Variants in ARSK observed in about 807,000 individuals in gnomAD.
The protein encoded by ARSK is arylsulfatase K.
A neutral mutation model predicts 53.2 loss-of-function variants in ARSK; 37 were observed. The observed-to-expected ratio is 0.70, with a 90% CI of 0.54 to 0.92. The LOEUF is 0.92. Ranked by LOEUF, ARSK falls within the 40% of genes least tolerant of loss-of-function variation. The pLI, the probability that ARSK is intolerant of heterozygous loss-of-function variation, is 0.00. For missense variants in ARSK, 613 were observed against 643.0 expected, an observed-to-expected ratio of 0.95 and a Z score of 0.51; for synonymous variants, 208 against 223.2, an observed-to-expected ratio of 0.93 and a Z score of 0.61.
intron 3 of ARSK, among the ~76,000 whole-genome samples, chr5:95,574,038 CCAT>C (rs1482174198): frequency 2.6e-5 from 4 of 152,030 alleles, no homozygotes; most frequent in Non-Finnish European, 5.9e-5. Context: ...TTTTGGTAAA[CCAT>C]CATTCTGCTT....
At chr5:95,592,783 G>T (rs1334633342) in intron 6 of ARSK, among the ~76,000 whole-genome samples, 1 of 152,184 alleles carries the variant, frequency 6.6e-6, no homozygotes, top group East Asian at 1.9e-4. Flanking sequence ...CCTTGACCTT[G>T]TGATCCGCTT....
At chr5:95,601,103 A>G (rs1749395926) in intron 7 of ARSK, 32 bp downstream of exon 7, 1 of 1,556,176 alleles carries the variant, frequency 6.4e-7, no homozygotes, top group Middle Eastern at 1.7e-4. Context: ...TAAGTGTAAT[A>G]TTATGTGTAA....
intron 3 of ARSK, among the ~76,000 whole-genome samples, chr5:95,579,604 G>C (rs1748989218): frequency 1.3e-5 from 2 of 152,214 alleles, no homozygotes; most frequent in Non-Finnish European, 2.9e-5. Flanking sequence ...CTGGTCCATG[G>C]ACCACACTTG....
chr5:95,583,117 A>G lies in ARSK; in HGVS notation c.618A>G (p.Leu206=), dbSNP rs1392060729. 9 of 1,613,354 alleles carry G rather than the reference A, an allele frequency of 5.6e-6. No homozygotes were observed. Among genetic ancestry groups the G allele is most frequent in the African/African-American group, 1.3e-5 (1 of 74,924 alleles). The stretch of plus-strand genomic sequence containing the variant: ...TTGTTATTTACTTGGGATTAAATTT[A>G]CCACACCCTTACCCTTCACCATCTT... The part of the protein sequence containing the change: ...EPFVIYLGLN[L]PHPYPSPSSG... Residue 206 remains leucine, a synonymous_variant, in exon 4 of 8, where the codon TTA becomes TTG. Coordinates refer to ENST00000380009, the MANE Select transcript of ARSK (RefSeq NM_198150.3).
intron 2 of ARSK, among the ~76,000 whole-genome samples, chr5:95,567,360 C>G (rs1748741443): frequency 6.6e-6 from 1 of 152,106 alleles, no homozygotes; most frequent in Non-Finnish European, 1.5e-5. Context: ...TTCTAACTTT[C>G]TATTTATGTA....
Position 95,601,039 on chromosome 5 carries a change from C to A in ARSK, c.1289C>A (p.Ser430Ter). 6.2e-7 allele frequency: 1 copy of A among 1,613,834 alleles called. No individual in the cohort carries two copies. The highest frequency in any genetic ancestry group is 8.5e-7 in the Non-Finnish European group (1 of 1,179,800). ...AACCACTGGAAATATATAGCCTATTCGGATGGTGCATCAATATTGCCTCAA... is the reference window on the plus strand; with the variant it reads ...AACCACTGGAAATATATAGCCTATTAGGATGGTGCATCAATATTGCCTCAA... ...RTNHWKYIAY[S>*]DGASILPQLF... The change falls in exon 7 of 8, where the codon TCG becomes TAG. Residue 430 changes from serine to a stop codon, truncating the protein, a stop_gained. Coordinates refer to ENST00000380009, the MANE Select transcript of ARSK (RefSeq NM_198150.3). LOFTEE classifies it high-confidence loss of function.
At chr5:95,561,774 CTT>C (rs1748639083) in intron 1 of ARSK, among the ~76,000 whole-genome samples, 2 of 152,116 alleles carry the variant, frequency 1.3e-5, no homozygotes, top group Admixed American at 1.3e-4. Context: ...TGCAGAATGT[CTT>C]TTGGGGATGA....
At chr5:95,582,204 A>G (rs6895068) in intron 3 of ARSK, among the ~76,000 whole-genome samples, 3,507 of 152,246 alleles carry the variant, frequency 0.023, 100 homozygotes, top group African/African-American at 0.065. Context: ...TTTCTCACCA[A>G]TTATGTCAGC....
intron 6 of ARSK, among the ~76,000 whole-genome samples, chr5:95,593,621 G>T (rs1749253187): frequency 6.6e-6 from 1 of 152,090 alleles, no homozygotes; most frequent in African/African-American, 2.4e-5. Context: ...TATTTAACAG[G>T]TCATATAAGA....
chr5:95,586,209 T>C (rs1042833983), intron 4 of ARSK, among the ~76,000 whole-genome samples: 3 of 152,168 alleles, frequency 2.0e-5, no homozygotes, highest in African/African-American at 7.2e-5. Flanking sequence ...TCTGAGGTTG[T>C]TGATTCTGAA....
At chr5:95,556,268 C>G in intron 1 of ARSK, 1 of 701,206 alleles carries the variant, frequency 1.4e-6, no homozygotes, top group South Asian at 1.5e-5. Context: ...GAAAATATTA[C>G]TTAAAGTTAT....
rs145666695 is a variant in ARSK at position 95,567,923 on chromosome 5, A to G, written c.290A>G (p.Glu97Gly). Residue 97 changes from glutamate (E) to glycine (G), a missense_variant, in exon 3 of 8, where the codon GAA becomes GGA. Physicochemically the swap from Glu to Gly is moderately conservative, Grantham distance 98 (BLOSUM62 -2). Coordinates refer to ENST00000380009, the MANE Select transcript of ARSK (RefSeq NM_198150.3). ...MWSGLFTHLTESWNNFKGLDP... is the reference protein window; with the variant it reads ...MWSGLFTHLTGSWNNFKGLDP... Reference sequence around the variant, plus strand: ...AGTGGCCTCTTCACTCACTTAACAGAATCTTGGAATAATTTTAAGGGTCTA... The same window carrying G: ...AGTGGCCTCTTCACTCACTTAACAGGATCTTGGAATAATTTTAAGGGTCTA... 106 of 1,612,488 alleles carry G rather than the reference A, an allele frequency of 6.6e-5. 1 individual carries two copies. In the East Asian group the frequency reaches 1.1e-3, roughly 17 times the overall value.
intron 6 of ARSK, among the ~76,000 whole-genome samples, chr5:95,597,910 GGGC>G (rs1561370083): frequency 1.3e-5 from 2 of 149,866 alleles, no homozygotes; most frequent in African/African-American, 2.5e-5. Flanking sequence ...AAAAAGTGGG[GGGC>G]GGGTAATAGT....
At chr5:95,572,991 A>G (rs1226107419) in intron 3 of ARSK, among the ~76,000 whole-genome samples, 1 of 152,156 alleles carries the variant, frequency 6.6e-6, no homozygotes, top group Non-Finnish European at 1.5e-5. Context: ...TGGTGGGTAG[A>G]GGCCAAGGTT....
rs141981367 is a variant in ARSK at position 95,604,220 on chromosome 5, T to G, written c.*694T>G. On this transcript the variant is annotated 3_prime_UTR_variant, in exon 8 of 8. Coordinates refer to ENST00000380009, the MANE Select transcript of ARSK (RefSeq NM_198150.3). ...TATTTGATGGGATTGTTTGGATGTA[T>G]TTAATGGGAGTATTTGGAGTATTTA... 2.0e-4 allele frequency: 31 copies of G among 152,352 alleles called. No homozygotes were observed. Among genetic ancestry groups the G allele is most frequent in the African/African-American group, 7.0e-4 (29 of 41,590 alleles). The allele number at this position is 152,352 out of a possible 1,614,324, so 9.4% of individuals were successfully genotyped here.
At chr5:95,579,076 A>G (rs1748976727) in intron 3 of ARSK, among the ~76,000 whole-genome samples, 1 of 152,204 alleles carries the variant, frequency 6.6e-6, no homozygotes, top group African/African-American at 2.4e-5. Context: ...TCTCCTATTT[A>G]TAGGCTACTG....
intron 3 of ARSK, among the ~76,000 whole-genome samples, chr5:95,569,786 C>CT (rs1489638540): frequency 1.3e-5 from 2 of 152,118 alleles, no homozygotes; most frequent in Admixed American, 6.5e-5. Flanking sequence ...TAAACAGATA[C>CT]TAAAATAATC....
At chr5:95,600,697 T>C (rs1397434191) in intron 6 of ARSK, 150 bp from the exon 7 acceptor site, 8 of 811,486 alleles carry the variant, frequency 9.9e-6, no homozygotes, top group Middle Eastern at 4.4e-4. Flanking sequence ...AGCATGTGAA[T>C]TTTGGCAGCC....
In ARSK at chr5:95,603,243, C is replaced by T. The variant is rs748634242; in HGVS notation, c.1328C>T (p.Ser443Phe). ...CTTATTTTTTTTCTTTCAGATCTTTCCTCGGATCCAGATGAATTAACAAAT... is the reference window on the plus strand; with the variant it reads ...CTTATTTTTTTTCTTTCAGATCTTTTCTCGGATCCAGATGAATTAACAAAT... ...ASILPQLFDL[S>F]SDPDELTNVA... The change falls in exon 8 of 8, where the codon TCC becomes TTC. Residue 443 changes from serine (S) to phenylalanine (F), a missense_variant. Transcript: ENST00000380009. The T allele has an allele frequency of 2.5e-5, 39 of 1,551,156 alleles. 1 individual carries two copies. The Middle Eastern group carries it at 1.1e-3, about 43-fold the overall frequency.
Sources: gnomAD v4.1 joint callset for allele counts (sites outside exome capture counted in the v4.1 genomes callset) on GRCh38, gnomAD v4.1.1 for gene constraint, MANE v1.5 for transcripts, NCBI Gene and HGNC (gene_info 2026-07-23, HGNC 2026-07-21) for gene names.